The following TRADD variants were observed in gnomAD, a reference collection of about 807,000 sequenced individuals.
The protein encoded by TRADD is TNFRSF1A associated via death domain.
Under a neutral mutation model 31.5 loss-of-function variants are expected in TRADD, and 14 were observed. The ratio of observed to expected loss-of-function variants is 0.44; its 90% CI spans 0.29 to 0.69. The LOEUF (loss-of-function observed/expected upper bound fraction) is 0.69. TRADD is among the 30% of genes least tolerant of loss of function. The probability of loss-of-function intolerance (pLI) is 0.11; values close to 1 mark genes in which losing one functional copy is unlikely to be tolerated. For missense variants in TRADD, 388 were observed against 435.7 expected (o/e 0.89, Z 0.97); for synonymous variants, 220 against 215.8 (o/e 1.02, Z -0.17).
rs1269737524 is a variant in TRADD, at chr16:67,154,755, C to A, written c.833G>T (p.Arg278Leu). The A allele has an allele frequency of 6.2e-7, 1 of 1,607,158 alleles. No individual in the cohort carries two copies. Among genetic ancestry groups the A allele is most frequent in the South Asian group, 1.1e-5 (1 of 90,140 alleles). The change falls in exon 5 of 5, where the codon CGC becomes CTC. Residue 278 changes from arginine to leucine, a missense_variant. Coordinates refer to ENST00000345057, the MANE Select transcript of TRADD (RefSeq NM_003789.4). The surrounding 1 kb of genome is among the most constrained non-coding windows in gnomAD (Gnocchi z 5.2). ...LLRRFVQAEGRRATLQRLVEA... is the reference protein window; with the variant it reads ...LLRRFVQAEGLRATLQRLVEA... ...CACCAGGCGCTGCAGCGTGGCGCGG[C>A]GGCCCTCGGCCTGCACGAAGCGCCG...
Position 67,155,181 on chromosome 16 carries a change from C to T in TRADD, c.543G>A (p.Gln181=), listed in dbSNP as rs1332228336. ...GDGEVASAPL[Q]PPVPSLSEVK... is the part of the protein sequence containing the mutation. Reference sequence around the variant, plus strand: ...CCTCCGACAGAGAGGGCACCGGGGGCTGCAAGGGGGCCGAAGCGACCTCCC... The same window carrying T: ...CCTCCGACAGAGAGGGCACCGGGGGTTGCAAGGGGGCCGAAGCGACCTCCC... The change falls in exon 4 of 5, where the codon CAG becomes CAA. Residue 181 remains glutamine (Q), a synonymous_variant. Transcript: ENST00000345057. The T allele has an allele frequency of 1.9e-6, 3 of 1,567,178 alleles. No individual in the cohort carries two copies. Among genetic ancestry groups the T allele is most frequent in the Non-Finnish European group, 2.6e-6 (3 of 1,158,914 alleles).
Position 67,156,082 on chromosome 16 carries a change from G to A in TRADD, c.151+428C>T. On this transcript the variant is annotated intron_variant, in intron 2 of 4. Transcript: ENST00000345057. This position sits in a 1 kb window ranked among gnomAD's most constrained non-coding sequence, Gnocchi z 4.6. ...CTCGGGAAGAAGAGGGGCTCTCGCC[G>A]CTCTGAGGCCACGAACAGATCCCCC... is the stretch of plus-strand genomic sequence containing the variant. The A allele has an allele frequency of 1.2e-5, 16 of 1,348,990 alleles. No homozygotes were observed. The highest frequency in any genetic ancestry group is 1.6e-5 in the Non-Finnish European group (16 of 1,029,080). 83.6% of individuals were successfully genotyped at this position (1,348,990 alleles called of 1,614,324 possible).
At position 67,154,883 on chromosome 16, in the gene TRADD, G is replaced by A. The variant is rs567282473; in HGVS notation, c.705C>T (p.Arg235=). The change falls in exon 5 of 5, where the codon CGC becomes CGT. Residue 235 remains arginine, a synonymous_variant. Coordinates refer to ENST00000345057, the MANE Select transcript of TRADD (RefSeq NM_003789.4). The surrounding 1 kb of genome is among the most constrained non-coding windows in gnomAD (Gnocchi z 5.2). ...SVGLKWRKVG[R]SLQRGCRALR... ...GCGCCCGGCAGCCTCGCTGCAGTGA[G>A]CGCCCCACCTTGCGCCATTTGAGAC... 35 of 1,601,922 alleles carry A rather than the reference G, an allele frequency of 2.2e-5. No individual in the cohort carries two copies. The highest frequency in any genetic ancestry group is 2.3e-5 in the Non-Finnish European group (27 of 1,175,068).
intron 1 of TRADD, among the ~76,000 whole-genome samples, chr16:67,158,570 G>A (rs1314516439): frequency 6.6e-6 from 1 of 152,070 alleles, no homozygotes; most frequent in Non-Finnish European, 1.5e-5. Context: ...GCAGGATGAA[G>A]GAAGGTAGGT....
chr16:67,156,160 G>A lies in TRADD; in HGVS notation c.151+350C>T, dbSNP rs1478650260. On this transcript the variant is annotated intron_variant, in intron 2 of 4. Transcript: ENST00000345057. The surrounding 1 kb of genome is among the most constrained non-coding windows in gnomAD (Gnocchi z 4.6). The stretch of plus-strand genomic sequence containing the variant: ...GCCCTGAGATGGGAAAGGGGGGCCT[G>A]GAAGGGTAGGTACTGGGGAGGGGTC... 1 of 1,378,126 alleles carries A rather than the reference G, an allele frequency of 7.3e-7. No homozygotes were observed. Among genetic ancestry groups the A allele is most frequent in the South Asian group, 1.2e-5 (1 of 81,852 alleles). 85.4% of individuals were successfully genotyped at this position (1,378,126 alleles called of 1,614,324 possible).
chr16:67,155,569 C>T lies in TRADD; in HGVS notation c.237G>A (p.Gly79=), dbSNP rs1231625345. The change falls in exon 3 of 5, where the codon GGG becomes GGA. Residue 79 remains glycine, a synonymous_variant. Transcript: ENST00000345057. ...PQLIVQLRFC[G]RQPCGRFLRA... ...GGAGGAAGCGGCCACAGGGCTGCCG[C>T]CCGCAGAATCGCAGCTGCACGATCA... The T allele has an allele frequency of 2.0e-6, 3 of 1,532,484 alleles. No homozygotes were observed. In the Admixed American group the frequency reaches 5.9e-5, roughly 30 times the overall value. 94.9% of individuals were successfully genotyped at this position (1,532,484 alleles called of 1,614,324 possible). A position where few individuals can be genotyped will look rare whatever the true frequency, so the allele number is the denominator to read the frequency against.
Position 67,155,282 on chromosome 16 carries a change from G to A in TRADD, c.442C>T (p.Arg148Trp), listed in dbSNP as rs751410923. 2.5e-6 allele frequency: 4 copies of A among 1,610,284 alleles called. No individual in the cohort carries two copies. In the South Asian group the frequency reaches 4.4e-5, roughly 18 times the overall value. ...CILAQQPDRL[R>W]DEELAELEDA... ...TCCAGCTCAGCCAGTTCTTCATCCCGGAGCCGGTCGGGCTAGGGGAATGGA... is the reference window on the plus strand; with the variant it reads ...TCCAGCTCAGCCAGTTCTTCATCCCAGAGCCGGTCGGGCTAGGGGAATGGA... Residue 148 changes from arginine to tryptophan, a missense_variant, in exon 4 of 5, where the codon CGG becomes TGG. Transcript: ENST00000345057.
Position 67,159,383 on chromosome 16 carries a change from TGTGGGC to T in TRADD, c.-9+449_-9+454del, listed in dbSNP as rs1215152297. Among the ~76,000 whole-genome samples, 1 of 152,160 alleles carries T rather than the reference TGTGGGC, an allele frequency of 6.6e-6. No individual in the cohort carries two copies. Among genetic ancestry groups the T allele is most frequent in the Non-Finnish European group, 1.5e-5 (1 of 68,012 alleles). On this transcript the variant is annotated intron_variant, in intron 1 of 4. Coordinates refer to ENST00000345057, the MANE Select transcript of TRADD (RefSeq NM_003789.4). The surrounding 1 kb of genome is among the most constrained non-coding windows in gnomAD (Gnocchi z 6.8). ...TCTGGCTGGGTGGACAGAGACAGCC[TGTGGGC>T]GTGGCCCAGAACTGAAAGCCTGTGA...
At chr16:67,158,504 T>TA (rs1448304625) in intron 1 of TRADD, among the ~76,000 whole-genome samples, 4 of 151,580 alleles carry the variant, frequency 2.6e-5, no homozygotes, top group African/African-American at 9.7e-5. Context: ...CTTGTGTACT[T>TA]ACGCCAAACC....
chr16:67,155,604 C>T lies in TRADD; in HGVS notation c.202G>A (p.Asp68Asn). The T allele has an allele frequency of 6.4e-7, 1 of 1,553,798 alleles. No individual in the cohort carries two copies. The change falls in exon 3 of 5, where the codon GAC becomes AAC. Residue 68 changes from aspartate to asparagine, a missense_variant. Asp to Asn is a conservative substitution (Grantham distance 23). Transcript: ENST00000345057. ...CGCAGCTGCACGATCAGCTGCGGGTCGCTGCGGTGGATCTTCAGCATCTGC... is the reference window on the plus strand; with the variant it reads ...CGCAGCTGCACGATCAGCTGCGGGTTGCTGCGGTGGATCTTCAGCATCTGC... ...VLQMLKIHRS[D>N]PQLIVQLRFC...
chr16:67,154,755 C>G lies in TRADD; in HGVS notation c.833G>C (p.Arg278Pro). The G allele has an allele frequency of 1.2e-6, 2 of 1,607,158 alleles. No individual in the cohort carries two copies. Among genetic ancestry groups the G allele is most frequent in the Non-Finnish European group, 1.7e-6 (2 of 1,177,384 alleles). ...LLRRFVQAEG[R>P]RATLQRLVEA... ...CACCAGGCGCTGCAGCGTGGCGCGG[C>G]GGCCCTCGGCCTGCACGAAGCGCCG... The change falls in exon 5 of 5, where the codon CGC becomes CCC. Residue 278 changes from arginine to proline, a missense_variant. Transcript: ENST00000345057. The surrounding 1 kb of genome is among the most constrained non-coding windows in gnomAD (Gnocchi z 5.2).
chr16:67,158,654 G>C (rs989914761), intron 1 of TRADD, among the ~76,000 whole-genome samples: 2 of 152,130 alleles, frequency 1.3e-5, no homozygotes, highest in African/African-American at 4.8e-5. Context: ...ATGTGAAGTA[G>C]ACATATTTTC....
rs11574518 is a variant in TRADD, at chr16:67,155,583, G to T, written c.223C>A (p.Leu75Met). The stretch of plus-strand genomic sequence containing the variant: ...CAGGGCTGCCGCCCGCAGAATCGCA[G>T]CTGCACGATCAGCTGCGGGTCGCTG... ...HRSDPQLIVQ[L>M]RFCGRQPCGR... is the part of the protein sequence containing the mutation. Residue 75 changes from leucine (L) to methionine (M), a missense_variant, in exon 3 of 5, where the codon CTG becomes ATG. By Grantham distance (15) the Leu-to-Met change is conservative (BLOSUM62 2). Transcript: ENST00000345057. 2.6e-6 allele frequency: 4 copies of T among 1,545,710 alleles called. No individual in the cohort carries two copies. Among genetic ancestry groups the T allele is most frequent in the African/African-American group, 2.7e-5 (2 of 72,846 alleles).
Position 67,155,630 on chromosome 16 carries a change from A to G in TRADD, c.176T>C (p.Leu59Pro). Residue 59 changes from leucine (L) to proline (P), a missense_variant, in exon 3 of 5, where the codon CTG becomes CCG. Transcript: ENST00000345057. ...LAESGGSPDV[L>P]QMLKIHRSDP... Reference sequence around the variant, plus strand: ...GCTGCGGTGGATCTTCAGCATCTGCAGCACGTCCGGGCTCCCGCCGCTCTC... The same window carrying G: ...GCTGCGGTGGATCTTCAGCATCTGCGGCACGTCCGGGCTCCCGCCGCTCTC... 6.4e-7 allele frequency: 1 copy of G among 1,557,024 alleles called. No individual in the cohort carries two copies. Among genetic ancestry groups the G allele is most frequent in the Non-Finnish European group, 8.6e-7 (1 of 1,158,392 alleles).
chr16:67,156,565 G>T lies in TRADD; in HGVS notation c.96C>A (p.Tyr32Ter). Residue 32 changes from tyrosine (Y) to a stop codon, truncating the protein, a stop_gained, in exon 2 of 5, where the codon TAC becomes TAA. Transcript: ENST00000345057. LOFTEE classifies it high-confidence loss of function. The surrounding 1 kb of genome is among the most constrained non-coding windows in gnomAD (Gnocchi z 4.6). ...SLDKVVLSDA[Y>*]AHPQQKVAVY... ...CTGCCACCTTCTGCTGGGGGTGCGC[G>T]TAGGCATCCGACAGGACCACCTTGT... 1 of 1,613,892 alleles carries T rather than the reference G, an allele frequency of 6.2e-7. No homozygotes were observed. The highest frequency in any genetic ancestry group is 8.5e-7 in the Non-Finnish European group (1 of 1,180,038).
intron 2 of TRADD, chr16:67,155,909 A>C: frequency 3.8e-5 from 57 of 1,499,746 alleles, no homozygotes; most frequent in East Asian, 1.1e-4. Context: ...CACGCCCCAA[A>C]TGAGGGTTGG....
At position 67,154,433 on chromosome 16, in the gene TRADD, C is replaced by G. The variant is rs553362384; in HGVS notation, c.*216G>C. 4 of 628,252 alleles carry G rather than the reference C, an allele frequency of 6.4e-6. No individual in the cohort carries two copies. The highest frequency in any genetic ancestry group is 2.8e-5 in the East Asian group (1 of 36,060). 38.9% of individuals were successfully genotyped at this position (628,252 alleles called of 1,614,324 possible). The stretch of plus-strand genomic sequence containing the variant: ...GCTGATCTCCAAAGCAGGTCCCCCC[C>G]ACCCCACACTCTATCAAAGTACCTG... On this transcript the variant is annotated 3_prime_UTR_variant, in exon 5 of 5. Coordinates refer to ENST00000345057, the MANE Select transcript of TRADD (RefSeq NM_003789.4). This position sits in a 1 kb window ranked among gnomAD's most constrained non-coding sequence, Gnocchi z 5.2.
Position 67,159,463 on chromosome 16 carries a change from G to A in TRADD, c.-9+375C>T, listed in dbSNP as rs554949955. On this transcript the variant is annotated intron_variant, in intron 1 of 4. Coordinates refer to ENST00000345057, the MANE Select transcript of TRADD (RefSeq NM_003789.4). This position sits in a 1 kb window ranked among gnomAD's most constrained non-coding sequence, Gnocchi z 6.8. ...CCCCCTACTCAGCTACGCAGCTCCC[G>A]AGCGCTTGAGGGGAGCTTCCCAGGC... Among the ~76,000 whole-genome samples the A allele has an allele frequency of 6.6e-6, 1 of 152,338 alleles. No individual in the cohort carries two copies. Among genetic ancestry groups the A allele is most frequent in the Admixed American group, 6.5e-5 (1 of 15,304 alleles).
Position 67,154,540 on chromosome 16 carries a change from T to G in TRADD, c.*109A>C, listed in dbSNP as rs13312727. ...ACTCTGCCCCAGCAGGTCCAGCAGATAGGCCAAGTGGAGTTTCAGGGTCCC... is the reference window on the plus strand; with the variant it reads ...ACTCTGCCCCAGCAGGTCCAGCAGAGAGGCCAAGTGGAGTTTCAGGGTCCC... On this transcript the variant is annotated 3_prime_UTR_variant, in exon 5 of 5. Transcript: ENST00000345057. The surrounding 1 kb of genome is among the most constrained non-coding windows in gnomAD (Gnocchi z 5.2). 46,860 of 1,374,018 alleles carry G rather than the reference T, an allele frequency of 0.034. 1,112 individuals carry two copies. Among genetic ancestry groups the G allele is most frequent in the South Asian group, 0.068 (5,372 of 79,432 alleles). 85.1% of individuals were successfully genotyped at this position (1,374,018 alleles called of 1,614,324 possible).
Sources: gnomAD v4.1 joint callset for allele counts (sites outside exome capture counted in the v4.1 genomes callset) on GRCh38, gnomAD v4.1.1 for gene constraint, Gnocchi (gnomAD v3.1) non-coding constraint, MANE v1.5 for transcripts, NCBI Gene and HGNC (gene_info 2026-07-23, HGNC 2026-07-21) for gene names.